SNX3: variants seen among roughly 807,000 people sequenced by gnomAD.
SNX3 encodes sorting nexin-3.
SNX3 carries 5 observed loss-of-function variants against 17.7 expected under a neutral mutation model. That is an observed-to-expected ratio of 0.28 (90% confidence interval 0.15 to 0.59). The LOEUF (loss-of-function observed/expected upper bound fraction) is 0.59. Ranked by LOEUF, SNX3 falls within the 20% of genes least tolerant of loss-of-function variation. The pLI is 0.88. For missense variants in SNX3, 132 were observed against 206.8 expected (o/e 0.64, Z 2.22); for synonymous variants, 91 against 76.5 (o/e 1.19, Z -0.99).
Position 108,211,513 on chromosome 6 carries a change from TG to T in SNX3, c.*635del, listed in dbSNP as rs1252258787. 2.0e-5 allele frequency: 3 copies of T among 152,684 alleles called. No homozygotes were observed. The highest frequency in any genetic ancestry group is 2.9e-5 in the Non-Finnish European group (2 of 68,086). The allele number at this position is 152,684 out of a possible 1,614,324, so 9.5% of individuals were successfully genotyped here. On this transcript the variant is annotated 3_prime_UTR_variant, in exon 4 of 4. Transcript: ENST00000230085. Reference sequence around the variant, plus strand: ...AAAAAGCTGGAGGCAACACAATCAGTGCATATCAGAAATGCATTTTAATTTT... The same window carrying T: ...AAAAAGCTGGAGGCAACACAATCAGTCATATCAGAAATGCATTTTAATTTT...
At chr6:108,241,719 A>G (rs1394655068) in intron 1 of SNX3, among the ~76,000 whole-genome samples, 1 of 152,306 alleles carries the variant, frequency 6.6e-6, no homozygotes, top group South Asian at 2.1e-4. Flanking sequence ...CCCTTTGGGG[A>G]GGGGCAGGAG....
intron 1 of SNX3, among the ~76,000 whole-genome samples, chr6:108,231,534 C>G (rs532658033): frequency 3.6e-4 from 55 of 152,302 alleles, no homozygotes; most frequent in African/African-American, 1.3e-3. Context: ...GCATTGTTGG[C>G]AGTAATGTTC....
chr6:108,215,903 T>C (rs1437064887), intron 2 of SNX3, among the ~76,000 whole-genome samples: 1 of 152,072 alleles, frequency 6.6e-6, no homozygotes, highest in Non-Finnish European at 1.5e-5. Flanking sequence ...CACTCCAGCC[T>C]AGGTGACAGC....
chr6:108,235,895 G>T (rs551911269), intron 1 of SNX3, among the ~76,000 whole-genome samples: 2 of 152,120 alleles, frequency 1.3e-5, no homozygotes, highest in East Asian at 3.9e-4. Context: ...CTCAAAAAAA[G>T]AAAAAGTATA....
chr6:108,244,868 G>A (rs1298618489), intron 1 of SNX3, among the ~76,000 whole-genome samples: 1 of 151,900 alleles, frequency 6.6e-6, no homozygotes, highest in African/African-American at 2.4e-5. Context: ...TCGAACTCCT[G>A]ACCTCAAGTA....
chr6:108,234,780 C>T (rs960894348), intron 1 of SNX3, among the ~76,000 whole-genome samples: 1 of 152,046 alleles, frequency 6.6e-6, no homozygotes, highest in Non-Finnish European at 1.5e-5. Flanking sequence ...GGGTGAGAGG[C>T]TGTATAGTAC....
Position 108,222,941 on chromosome 6 carries a change from C to T in SNX3, c.258+9G>A, listed in dbSNP as rs770116428. On this transcript the variant is annotated intron_variant, in intron 2 of 3. Coordinates refer to ENST00000230085, the MANE Select transcript of SNX3 (RefSeq NM_003795.6). ...TTTGCTTTAAAGTTGCATCATAAATCATTCTTACCTTGCTCTCTCTTTCTA... is the reference window on the plus strand; with the variant it reads ...TTTGCTTTAAAGTTGCATCATAAATTATTCTTACCTTGCTCTCTCTTTCTA... The T allele has an allele frequency of 2.5e-5, 39 of 1,533,770 alleles. 2 individuals are homozygous for T. The South Asian group carries it at 4.2e-4, about 17-fold the overall frequency.
At chr6:108,240,727 T>C (rs1240482660) in intron 1 of SNX3, among the ~76,000 whole-genome samples, 2 of 152,130 alleles carry the variant, frequency 1.3e-5, no homozygotes, top group Admixed American at 1.3e-4. Context: ...TGGGGAAGGC[T>C]AATATTGCGG....
At chr6:108,221,355 C>A (rs377569830) in intron 2 of SNX3, among the ~76,000 whole-genome samples, 1 of 151,768 alleles carries the variant, frequency 6.6e-6, no homozygotes, top group South Asian at 2.1e-4. Context: ...CCCCCTCCCC[C>A]GCAATTTACC....
intron 2 of SNX3, among the ~76,000 whole-genome samples, chr6:108,222,009 G>A (rs1016838459): frequency 2.0e-5 from 3 of 151,814 alleles, no homozygotes; most frequent in Admixed American, 6.6e-5. Flanking sequence ...CTCCTGACTC[G>A]GCCTACCAAA....
chr6:108,225,611 G>A (rs1774950419), intron 1 of SNX3, among the ~76,000 whole-genome samples: 2 of 152,092 alleles, frequency 1.3e-5, no homozygotes, highest in South Asian at 2.1e-4. Context: ...TAGCCTGAGC[G>A]ACAGAGTGAG....
intron 1 of SNX3, among the ~76,000 whole-genome samples, chr6:108,235,977 T>A (rs1227912965): frequency 3.3e-5 from 5 of 151,052 alleles, no homozygotes; most frequent in Non-Finnish European, 7.4e-5. Context: ...CTGATTATAT[T>A]CTGAGTAGTT....
chr6:108,260,657 C>T, intron 1 of SNX3, 103 bp downstream of exon 1: 2 of 1,360,104 alleles, frequency 1.5e-6, no homozygotes, highest in Non-Finnish European at 2.1e-6. Context: ...GGGCTCCCGG[C>T]CTGGGAGGCT....
At chr6:108,240,534 T>C (rs1339548266) in intron 1 of SNX3, among the ~76,000 whole-genome samples, 1 of 152,144 alleles carries the variant, frequency 6.6e-6, no homozygotes, top group Non-Finnish European at 1.5e-5. Flanking sequence ...TCTGTGTGTT[T>C]TAACCTAGGG....
intron 1 of SNX3, among the ~76,000 whole-genome samples, chr6:108,233,644 G>A (rs898779512): frequency 6.6e-6 from 1 of 152,204 alleles, no homozygotes; most frequent in Admixed American, 6.5e-5. Context: ...AGCTACTCGG[G>A]AGGCTGAGGT....
chr6:108,232,398 T>C (rs1001997809), intron 1 of SNX3, among the ~76,000 whole-genome samples: 3 of 152,156 alleles, frequency 2.0e-5, no homozygotes, highest in Non-Finnish European at 4.4e-5. Context: ...TCCCTTCAAG[T>C]CTAAGCACAG....
chr6:108,238,286 A>G (rs1218771231), intron 1 of SNX3, among the ~76,000 whole-genome samples: 1 of 152,104 alleles, frequency 6.6e-6, no homozygotes, highest in Non-Finnish European at 1.5e-5. Flanking sequence ...AGACAAACAT[A>G]GGTCAGGAAA....
At chr6:108,239,507 A>G (rs1401315654) in intron 1 of SNX3, among the ~76,000 whole-genome samples, 1 of 152,220 alleles carries the variant, frequency 6.6e-6, no homozygotes, top group African/African-American at 2.4e-5. Context: ...AATTAAGTAG[A>G]AACTATTATT....
chr6:108,247,238 A>G (rs1562437668), intron 1 of SNX3, among the ~76,000 whole-genome samples: 2 of 152,196 alleles, frequency 1.3e-5, no homozygotes, highest in African/African-American at 2.4e-5. Context: ...CTGTGAGTCA[A>G]TTAAACTTCT....
Sources: allele counts gnomAD v4.1 joint callset (sites outside exome capture counted in the v4.1 genomes callset), GRCh38; gene constraint gnomAD v4.1.1; transcripts MANE v1.5; gene names NCBI Gene and HGNC (gene_info 2026-07-23, HGNC 2026-07-21).